Variants in CYRIB observed in about 807,000 individuals in gnomAD.
The protein encoded by CYRIB is CYFIP-related Rac1 interactor B.
In CYRIB, 8 loss-of-function variants were observed where a neutral mutation model predicts 44.2. The observed-to-expected ratio is 0.18, with a 90% CI of 0.11 to 0.33. CYRIB has a LOEUF of 0.33. Among genes scored for constraint, CYRIB ranks in the 10% least tolerant of loss-of-function variants. The pLI is 1.00. For missense variants in CYRIB, 185 were observed against 382.8 expected, an observed-to-expected ratio of 0.48 and a Z score of 4.31; for synonymous variants, 131 against 127.2, an observed-to-expected ratio of 1.03 and a Z score of -0.20.
At chr8:130,001,617 C>G (rs985272961) in intron 1 of CYRIB, among the ~76,000 whole-genome samples, 1 of 151,054 alleles carries the variant, frequency 6.6e-6, no homozygotes, top group African/African-American at 2.4e-5. Flanking sequence ...CAACCTCCGC[C>G]TCCTGGGTTC....
chr8:130,004,244 T>C (rs1006892092), intron 1 of CYRIB, among the ~76,000 whole-genome samples: 1 of 152,164 alleles, frequency 6.6e-6, no homozygotes, highest in African/African-American at 2.4e-5. Context: ...AAACATACAA[T>C]GGGATTCCTC....
intron 1 of CYRIB, among the ~76,000 whole-genome samples, chr8:129,924,102 T>A: frequency 2.5e-5 from 1 of 39,760 alleles, no homozygotes. Flanking sequence ...AGATTCTATC[T>A]CCACCCCAAA....
intron 1 of CYRIB, among the ~76,000 whole-genome samples, chr8:129,910,808 AG>A (rs2077590298): frequency 6.6e-6 from 1 of 152,118 alleles, no homozygotes; most frequent in African/African-American, 2.4e-5. Context: ...AAAACAAACA[AG>A]AGAAACACGG....
At chr8:129,882,211 T>C (rs1342756231) in intron 2 of CYRIB, among the ~76,000 whole-genome samples, 1 of 152,252 alleles carries the variant, frequency 6.6e-6, no homozygotes, top group East Asian at 1.9e-4. Flanking sequence ...TTTAGGAGTT[T>C]AATCTATGGA....
At chr8:129,901,353 A>T (rs2071750525) in intron 2 of CYRIB, 1 of 152,044 alleles carries the variant, frequency 6.6e-6, no homozygotes, top group Non-Finnish European at 1.5e-5. Flanking sequence ...AGTAGCTGGG[A>T]TAACAGGCAG....
rs1390877868 is a variant in CYRIB, at chr8:129,960,653, A to G, written c.-243+10290T>C. Among the ~76,000 whole-genome samples, 11 of 141,218 alleles carry G rather than the reference A, an allele frequency of 7.8e-5. No homozygotes were observed. In the East Asian group the frequency reaches 1.0e-3, roughly 13 times the overall value. The allele number at this position is 141,218 out of a possible 152,430, so 92.6% of individuals were successfully genotyped here. A position where few individuals can be genotyped will look rare whatever the true frequency, so the allele number is the denominator to read the frequency against. On this transcript the variant is annotated intron_variant, in intron 2 of 14. Transcript: ENST00000401979. ...CAGAGCGAGACTCTGTCTCAAGAAA[A>G]AAAAAAAAAAAAAAAAGGCTGGGCA...
chr8:129,876,051 T>C (rs1564482555), intron 3 of CYRIB, among the ~76,000 whole-genome samples: 1 of 151,272 alleles, frequency 6.6e-6, no homozygotes, highest in Non-Finnish European at 1.5e-5. Context: ...AAGTGGAGAA[T>C]GCAGTGAGCC....
chr8:129,883,432 T>C (rs1334431127), intron 2 of CYRIB, among the ~76,000 whole-genome samples: 1 of 152,164 alleles, frequency 6.6e-6, no homozygotes, highest in African/African-American at 2.4e-5. Context: ...ACAGGACAGA[T>C]GCTACATAGG....
intron 1 of CYRIB, among the ~76,000 whole-genome samples, chr8:129,923,224 C>G (rs147387597): frequency 0.024 from 3,653 of 151,168 alleles, 66 homozygotes; most frequent in Middle Eastern, 0.041. Context: ...GCCTGGGCAA[C>G]AAGAGCAAAA....
chr8:129,948,053 G>C (rs553931320), intron 2 of CYRIB: 1 of 152,142 alleles, frequency 6.6e-6, no homozygotes, highest in South Asian at 2.1e-4. Flanking sequence ...TATTTCTACA[G>C]AACTGTATTC....
intron 2 of CYRIB, among the ~76,000 whole-genome samples, chr8:129,967,910 C>T (rs1001514684): frequency 9.8e-5 from 15 of 152,300 alleles, no homozygotes; most frequent in African/African-American, 3.6e-4. Flanking sequence ...GCCATTGATA[C>T]TTCTTCACCA....
At chr8:129,985,357 C>G (rs929566978) in intron 1 of CYRIB, among the ~76,000 whole-genome samples, 1 of 152,126 alleles carries the variant, frequency 6.6e-6, no homozygotes, top group Non-Finnish European at 1.5e-5. Context: ...CATCCTGGCC[C>G]GGGAAAGCTC....
chr8:129,855,638 A>G, exon 6 of CYRIB: 1 of 1,614,142 alleles, frequency 6.2e-7, no homozygotes, highest in South Asian at 1.1e-5. Context: ...GGAGTGTGAA[A>G]TGAAGAATTT....
chr8:129,961,931 CA>C (rs2095277074), intron 2 of CYRIB, among the ~76,000 whole-genome samples: 1 of 152,142 alleles, frequency 6.6e-6, no homozygotes, highest in Admixed American at 6.6e-5. Context: ...CTTTAACAAA[CA>C]CAATTATCAA....
chr8:129,855,290 T>C (rs563388917), intron 6 of CYRIB, among the ~76,000 whole-genome samples: 14 of 149,872 alleles, frequency 9.3e-5, no homozygotes, highest in East Asian at 2.0e-4. Context: ...ACTTGGGAGG[T>C]TGAGGTGGGA....
In CYRIB at chr8:129,873,471, C is replaced by T. The variant is rs1482829875; in HGVS notation, c.74-1975G>A. 1.3e-5 allele frequency among the ~76,000 whole-genome samples: 2 copies of T among 152,068 alleles called. 1 individual carries two copies. Among genetic ancestry groups the T allele is most frequent in the African/African-American group, 4.8e-5 (2 of 41,562 alleles). The stretch of plus-strand genomic sequence containing the variant: ...GCACACTTCATAACTTTTATACTTA[C>T]ATCAGATTCAGTAGAGAAAAATATG... On this transcript the variant is annotated intron_variant, in intron 3 of 11. Transcript: ENST00000519824.
chr8:130,008,516 G>A (rs779098286), intron 1 of CYRIB: 13 of 154,216 alleles, frequency 8.4e-5, no homozygotes, highest in Non-Finnish European at 1.6e-4. Context: ...GGGTGACTGT[G>A]GGGCACACAC....
At chr8:129,855,352 C>G (rs528818256) in intron 6 of CYRIB, among the ~76,000 whole-genome samples, 1 of 150,074 alleles carries the variant, frequency 6.7e-6, no homozygotes, top group African/African-American at 2.5e-5. Context: ...GATCACGCCA[C>G]TGCACTCTAC....
intron 1 of CYRIB, among the ~76,000 whole-genome samples, chr8:129,923,311 G>C (rs954811967): frequency 6.6e-6 from 1 of 151,486 alleles, no homozygotes; most frequent in Non-Finnish European, 1.5e-5. Context: ...TTTCGCTCTT[G>C]TCACCCAGGC....
Sources: allele counts gnomAD v4.1 joint callset (sites outside exome capture counted in the v4.1 genomes callset), GRCh38; gene constraint gnomAD v4.1.1; transcripts MANE v1.5; gene names NCBI Gene and HGNC (gene_info 2026-07-23, HGNC 2026-07-21).